The following PLCB4 variants were observed in gnomAD, a reference collection of about 807,000 sequenced individuals.
PLCB4 encodes 1-phosphatidylinositol 4,5-bisphosphate phosphodiesterase beta-4.
A neutral mutation model predicts 178.8 loss-of-function variants in PLCB4; 77 were observed. That is an observed-to-expected ratio of 0.43 (90% CI 0.36 to 0.52). The LOEUF is 0.52. Ranked by LOEUF, PLCB4 falls within the 20% of genes least tolerant of loss-of-function variation. The pLI is 0.00. For missense variants in PLCB4, 1,024 were observed against 1,453.4 expected (o/e 0.70, Z 4.80); for synonymous variants, 496 against 490.8 (o/e 1.01, Z -0.14).
At chr20:9,091,576 C>T (rs1392435697) in intron 1 of PLCB4, among the ~76,000 whole-genome samples, 1 of 151,476 alleles carries the variant, frequency 6.6e-6, no homozygotes, top group Admixed American at 6.6e-5. Context: ...GAAAAGTGAC[C>T]TCAGGTGAGC....
At chr20:9,429,588 A>T (rs1219474702) in intron 28 of PLCB4, among the ~76,000 whole-genome samples, 1 of 152,222 alleles carries the variant, frequency 6.6e-6, no homozygotes, top group African/African-American at 2.4e-5. Context: ...TTTCAAGTAC[A>T]GTTACACAAG....
chr20:9,337,231 T>C (rs2032587956), intron 5 of PLCB4, 25 bp downstream of exon 5: 2 of 1,538,166 alleles, frequency 1.3e-6, no homozygotes, highest in Non-Finnish European at 9.0e-7. Context: ...GAGCAAGTTG[T>C]TCTTTCTGCT....
chr20:9,453,464 T>C lies in PLCB4; in HGVS notation c.2996+2T>C. On this transcript the variant is annotated splice_donor_variant, in intron 33 of 39. Coordinates refer to ENST00000378473, the MANE Select transcript of PLCB4 (RefSeq NM_001377142.1). LOFTEE classifies it high-confidence loss of function. The stretch of plus-strand genomic sequence containing the variant: ...AGAGAAGGCAATGAAGAAGAAGGGG[T>C]AATACTGTTTATTTCCTTCTGAAGA... The C allele has an allele frequency of 2.9e-6, 4 of 1,399,310 alleles. No homozygotes were observed. The highest frequency in any genetic ancestry group is 1.2e-5 in the South Asian group (1 of 86,414). 86.7% of individuals were successfully genotyped at this position (1,399,310 alleles called of 1,614,324 possible). A position where few individuals can be genotyped will look rare whatever the true frequency, so the allele number is the denominator to read the frequency against.
chr20:9,300,054 C>A (rs1485384866), intron 3 of PLCB4, among the ~76,000 whole-genome samples: 4 of 152,000 alleles, frequency 2.6e-5, no homozygotes, highest in African/African-American at 9.7e-5. Flanking sequence ...TAGATTCTTA[C>A]TGGAGGTAAA....
chr20:9,104,236 CTCAATGGACTGCTTGGTCT>C (rs1207099313), intron 2 of PLCB4, among the ~76,000 whole-genome samples: 14 of 152,264 alleles, frequency 9.2e-5, no homozygotes, highest in East Asian at 1.9e-4. Context: ...CATGTGGGCT[CTCAATGGACTGCTTGGTCT>C]TCCTCATAGC....
chr20:9,434,627 C>T (rs1268003123), intron 28 of PLCB4, among the ~76,000 whole-genome samples: 2 of 152,104 alleles, frequency 1.3e-5, no homozygotes, highest in East Asian at 1.9e-4. Context: ...CCACCCTTCT[C>T]GTGTTCCCAA....
intron 1 of PLCB4, among the ~76,000 whole-genome samples, chr20:9,092,215 T>C (rs2090715041): frequency 6.6e-6 from 1 of 152,220 alleles, no homozygotes; most frequent in African/African-American, 2.4e-5. Flanking sequence ...AGATTCTTCA[T>C]TTCTTTGGTC....
chr20:9,447,353 G>A (rs1353082344), intron 32 of PLCB4, among the ~76,000 whole-genome samples: 1 of 152,196 alleles, frequency 6.6e-6, no homozygotes, highest in African/African-American at 2.4e-5. Flanking sequence ...TTGGTTGGCA[G>A]ATGGGGGACT....
chr20:9,126,728 A>T (rs948009389), intron 2 of PLCB4, among the ~76,000 whole-genome samples: 1 of 151,948 alleles, frequency 6.6e-6, no homozygotes, highest in African/African-American at 2.4e-5. Context: ...AGCCTTGGAA[A>T]TGCAAGAGAT....
Position 9,423,849 on chromosome 20 carries a change from A to T in PLCB4, c.2421A>T (p.Gly807=), listed in dbSNP as rs2040816176. 2 of 1,613,904 alleles carry T rather than the reference A, an allele frequency of 1.2e-6. No individual in the cohort carries two copies. Among genetic ancestry groups the T allele is most frequent in the Non-Finnish European group, 1.7e-6 (2 of 1,179,792 alleles). The change falls in exon 28 of 40, where the codon GGA becomes GGT. Residue 807 remains glycine, a synonymous_variant. Transcript: ENST00000378473. ...TCCCGCTTGATGGCCTCCAAGCCGG[A>T]TATCGACACATTTCCCTTCGAAATG... ...RILPLDGLQA[G]YRHISLRNEG... is the part of the protein sequence containing the mutation.
intron 25 of PLCB4, among the ~76,000 whole-genome samples, chr20:9,414,750 T>G (rs981404910): frequency 6.6e-6 from 1 of 152,206 alleles, no homozygotes; most frequent in African/African-American, 2.4e-5. Context: ...TTTAACAGTC[T>G]CGTTTTTGAA....
chr20:9,369,416 A>G (rs543890748), intron 9 of PLCB4, among the ~76,000 whole-genome samples: 10 of 152,322 alleles, frequency 6.6e-5, no homozygotes, highest in Admixed American at 2.0e-4. Context: ...TAAAAAGGCT[A>G]CAAAATTTTT....
intron 3 of PLCB4, among the ~76,000 whole-genome samples, chr20:9,243,484 A>G (rs1244031701): frequency 6.6e-6 from 1 of 152,212 alleles, no homozygotes; most frequent in South Asian, 2.1e-4. Context: ...CATCCAGCCA[A>G]TACTCCAATT....
At chr20:9,239,404 T>A (rs1312397668) in intron 3 of PLCB4, among the ~76,000 whole-genome samples, 2 of 152,206 alleles carry the variant, frequency 1.3e-5, no homozygotes, top group Admixed American at 6.5e-5. Context: ...CAGTATCTTT[T>A]CCACACCCAT....
chr20:9,253,275 A>G (rs924438718), intron 3 of PLCB4, among the ~76,000 whole-genome samples: 6 of 152,172 alleles, frequency 3.9e-5, no homozygotes, highest in Non-Finnish European at 7.4e-5. Context: ...AGAATCAGCT[A>G]TACTTGCTGG....
At chr20:9,433,612 A>C (rs139245179) in intron 28 of PLCB4, among the ~76,000 whole-genome samples, 2 of 152,320 alleles carry the variant, frequency 1.3e-5, no homozygotes, top group African/African-American at 2.4e-5. Context: ...GTGGCAAACA[A>C]ATGTTTATAA....
intron 2 of PLCB4, among the ~76,000 whole-genome samples, chr20:9,183,795 G>A (rs144989610): frequency 5.4e-4 from 82 of 152,158 alleles, no homozygotes; most frequent in Non-Finnish European, 1.0e-3. Context: ...TACCTCACTG[G>A]TATTAGGCTG....
At chr20:9,358,884 G>A (rs867962432) in intron 7 of PLCB4, among the ~76,000 whole-genome samples, 1 of 152,086 alleles carries the variant, frequency 6.6e-6, no homozygotes, top group African/African-American at 2.4e-5. Flanking sequence ...GGGCGACAGA[G>A]CAAGACTCCA....
intron 26 of PLCB4, among the ~76,000 whole-genome samples, chr20:9,420,718 A>C (rs2040571366): frequency 6.6e-6 from 1 of 152,216 alleles, no homozygotes; most frequent in South Asian, 2.1e-4. Flanking sequence ...AAATAATGTA[A>C]ACAAAAAACC....
Sources: allele counts gnomAD v4.1 joint callset (sites outside exome capture counted in the v4.1 genomes callset), GRCh38; gene constraint gnomAD v4.1.1; transcripts MANE v1.5; gene names NCBI Gene and HGNC (gene_info 2026-07-23, HGNC 2026-07-21).